Variants in UBE2D3 observed in about 807,000 individuals in gnomAD.
The protein encoded by UBE2D3 is ubiquitin-conjugating enzyme E2 D3.
UBE2D3 carries 2 observed loss-of-function variants against 22.8 expected under a neutral mutation model. The ratio of observed to expected loss-of-function variants is 0.09; its 90% CI spans 0.04 to 0.28. The LOEUF (loss-of-function observed/expected upper bound fraction) is 0.28, where lower values mean the gene tolerates loss of function less well. Ranked by LOEUF, UBE2D3 falls within the 10% of genes least tolerant of loss-of-function variation. The pLI is 1.00. For synonymous variants in UBE2D3, 56 were observed against 60.4 expected, an observed-to-expected ratio of 0.93 and a Z score of 0.34; for missense variants, 27 against 182.5, an observed-to-expected ratio of 0.15 and a Z score of 4.91.
At chr4:102,814,339 A>C (rs570753142) in intron 2 of UBE2D3, among the ~76,000 whole-genome samples, 4 of 151,154 alleles carry the variant, frequency 2.6e-5, no homozygotes, top group African/African-American at 9.7e-5. Flanking sequence ...TCCAGGCTGG[A>C]GTGCAGTGGT....
At chr4:102,847,564 G>A (rs1436929278) in intron 1 of UBE2D3, among the ~76,000 whole-genome samples, 1 of 152,114 alleles carries the variant, frequency 6.6e-6, no homozygotes, top group Non-Finnish European at 1.5e-5. Context: ...TGGGATTACA[G>A]GTGTGAGCCA....
upstream of UBE2D3, among the ~76,000 whole-genome samples, chr4:102,828,635 CT>C (rs542988421): frequency 8.3e-3 from 1,265 of 152,302 alleles, 11 homozygotes; most frequent in Non-Finnish European, 0.014. Flanking sequence ...CAAACTTTAG[CT>C]TCTGTTGCTG....
chr4:102,834,745 T>C (rs1038306992), intron 1 of UBE2D3, among the ~76,000 whole-genome samples: 1 of 150,546 alleles, frequency 6.6e-6, no homozygotes, highest in Non-Finnish European at 1.5e-5. Flanking sequence ...TGAGACCCTG[T>C]CTGGAAAAAA....
At chr4:102,866,083 T>G (rs1733133340) in intron 1 of UBE2D3, among the ~76,000 whole-genome samples, 2 of 152,256 alleles carry the variant, frequency 1.3e-5, no homozygotes, top group Non-Finnish European at 2.9e-5. Flanking sequence ...AAACAGGATT[T>G]AAATTTTAAG....
intron 4 of UBE2D3, among the ~76,000 whole-genome samples, chr4:102,804,943 C>T (rs1445399427): frequency 6.6e-6 from 1 of 152,136 alleles, no homozygotes; most frequent in African/African-American, 2.4e-5. Flanking sequence ...CCTTGGCCTC[C>T]CAAAGTGTTG....
intron 2 of UBE2D3, chr4:102,810,702 C>T (rs541454441): frequency 6.6e-6 from 1 of 152,192 alleles, no homozygotes; most frequent in African/African-American, 2.4e-5. Flanking sequence ...TCAATATGAA[C>T]GTTTTATTTC....
rs895739588 is a variant in UBE2D3 at position 102,799,837 on chromosome 4, G to C, written c.305-337C>G. Among the ~76,000 whole-genome samples the C allele has an allele frequency of 3.4e-3, 492 of 146,744 alleles. 3 individuals are homozygous for C. Among genetic ancestry groups the C allele is most frequent in the Non-Finnish European group, 5.1e-3 (335 of 66,238 alleles). ...GTTTCTTGGTACTCAGTGGCTGGGG[G>C]GGGGGGGACTTTAGCAAGAATATGC... On this transcript the variant is annotated intron_variant, in intron 6 of 7. Transcript: ENST00000453744.
intron 4 of UBE2D3, among the ~76,000 whole-genome samples, chr4:102,803,689 C>T (rs1226500177): frequency 6.6e-6 from 1 of 152,096 alleles, no homozygotes; most frequent in Non-Finnish European, 1.5e-5. Context: ...GAAATATGAA[C>T]AAGGGACACG....
chr4:102,830,583 AGCTGG>A (rs1201207516), upstream of UBE2D3, among the ~76,000 whole-genome samples: 2 of 152,214 alleles, frequency 1.3e-5, no homozygotes, highest in African/African-American at 2.4e-5. Flanking sequence ...AGAAAATTAA[AGCTGG>A]GCTGGTGGCT....
chr4:102,861,928 T>C (rs1297139090), intron 1 of UBE2D3, among the ~76,000 whole-genome samples: 3 of 151,968 alleles, frequency 2.0e-5, no homozygotes, highest in Non-Finnish European at 4.4e-5. Flanking sequence ...TTATTTATTA[T>C]GGATTGACTG....
intron 1 of UBE2D3, among the ~76,000 whole-genome samples, chr4:102,853,124 C>T (rs564922191): frequency 1.4e-5 from 2 of 139,464 alleles, no homozygotes; most frequent in South Asian, 4.8e-4. Flanking sequence ...AAATTACACA[C>T]AAACACACAC....
At chr4:102,839,906 G>A (rs964006966) in intron 1 of UBE2D3, among the ~76,000 whole-genome samples, 15 of 152,206 alleles carry the variant, frequency 9.9e-5, no homozygotes, top group African/African-American at 3.6e-4. Context: ...AGGGACTAAT[G>A]TTGAGAGTAT....
rs35400781 is a variant in UBE2D3 at position 102,821,607 on chromosome 4, AT to A, written c.24+4877del. ...AAGTCTAAGACCCCCATGCAGCTGT[AT>A]TTTTTTTTTTAAATTCTAAACAATC... On this transcript the variant is annotated intron_variant, in intron 2 of 7. Coordinates refer to ENST00000453744, the MANE Select transcript of UBE2D3 (RefSeq NM_181891.3). Among the ~76,000 whole-genome samples, 495 of 150,798 alleles carry A rather than the reference AT, an allele frequency of 3.3e-3. 6 individuals carry two copies. Among genetic ancestry groups the A allele is most frequent in the African/African-American group, 9.6e-3 (396 of 41,256 alleles).
intron 2 of UBE2D3, 27 bp from the exon 3 acceptor site, chr4:102,809,882 T>C: frequency 4.4e-6 from 7 of 1,603,368 alleles, no homozygotes; most frequent in Non-Finnish European, 5.9e-6. Flanking sequence ...AATGGGTGAG[T>C]CACATAAGCT....
intron 1 of UBE2D3, among the ~76,000 whole-genome samples, chr4:102,836,303 C>A (rs201919148): frequency 6.6e-6 from 1 of 151,826 alleles, no homozygotes; most frequent in Non-Finnish European, 1.5e-5. Flanking sequence ...CTCGCCACCA[C>A]GCCGGCTAAT....
chr4:102,827,992 G>C (rs931275481), upstream of UBE2D3: 4 of 985,352 alleles, frequency 4.1e-6, no homozygotes, highest in Non-Finnish European at 4.8e-6. Context: ...CTGGCTAACC[G>C]AAGCGGTAGC....
intron 1 of UBE2D3, among the ~76,000 whole-genome samples, chr4:102,848,861 A>C (rs1732183835): frequency 1.3e-5 from 2 of 150,878 alleles, no homozygotes; most frequent in Admixed American, 1.3e-4. Context: ...GATTACCTGT[A>C]GTCTGTAGTC....
At chr4:102,823,342 A>G (rs1252187980) in intron 2 of UBE2D3, among the ~76,000 whole-genome samples, 1 of 152,186 alleles carries the variant, frequency 6.6e-6, no homozygotes, top group Non-Finnish European at 1.5e-5. Flanking sequence ...CAATTTCGAG[A>G]TGGAGATAAT....
At chr4:102,806,312 T>C (rs1578230537) in intron 4 of UBE2D3, among the ~76,000 whole-genome samples, 1 of 151,820 alleles carries the variant, frequency 6.6e-6, no homozygotes, top group East Asian at 2.0e-4. Context: ...GCCCTTCCTT[T>C]GTCTTATCTG....
Sources: gnomAD v4.1 joint callset for allele counts (sites outside exome capture counted in the v4.1 genomes callset) on GRCh38, gnomAD v4.1.1 for gene constraint, MANE v1.5 for transcripts, NCBI Gene and HGNC (gene_info 2026-07-23, HGNC 2026-07-21) for gene names.